Variants in GPC3 observed in about 807,000 individuals in gnomAD.
The protein encoded by GPC3 is glypican 3, also known as glypican-3.
A neutral mutation model predicts 34.4 loss-of-function variants in GPC3; 3 were observed. The ratio of observed to expected loss-of-function variants is 0.09; its 90% CI spans 0.04 to 0.23. The LOEUF (loss-of-function observed/expected upper bound fraction) is 0.23. GPC3 is among the 10% of genes least tolerant of loss of function. The pLI is 1.00. For missense variants in GPC3, 351 were observed against 445.6 expected (o/e 0.79, Z 1.91); for synonymous variants, 177 against 174.0 (o/e 1.02, Z -0.13).
chrX:133,976,087 T>C (rs1254091561), intron 1 of GPC3, among the ~76,000 whole-genome samples: 1 of 112,383 alleles, frequency 8.9e-6, no homozygotes, highest in African/African-American at 3.2e-5. Context: ...AGCTCTATGA[T>C]ATCAGTGACG....
chrX:133,674,130 G>A (rs935076328), intron 5 of GPC3, among the ~76,000 whole-genome samples: 1 of 110,832 alleles, frequency 9.0e-6, no homozygotes, highest in African/African-American at 3.3e-5. Flanking sequence ...GGGAGGTTGA[G>A]GCAAGAGGAG....
intron 2 of GPC3, among the ~76,000 whole-genome samples, chrX:133,912,702 A>G (rs757636694): frequency 4.5e-5 from 5 of 111,135 alleles, no homozygotes; most frequent in Non-Finnish European, 7.5e-5. Flanking sequence ...CTGAGTTTCA[A>G]TTAATGTTAA....
chrX:133,859,876 T>C (rs1187334301), intron 2 of GPC3, among the ~76,000 whole-genome samples: 2 of 111,858 alleles, frequency 1.8e-5, no homozygotes, highest in African/African-American at 6.5e-5. Flanking sequence ...GGTATCAGCA[T>C]CGGCTTCTGC....
At chrX:133,698,026 G>A (rs1237413202) in intron 4 of GPC3, among the ~76,000 whole-genome samples, 1 of 112,331 alleles carries the variant, frequency 8.9e-6, no homozygotes, top group East Asian at 2.8e-4. Context: ...CAAGTTAGCA[G>A]TTGGGCCAGA....
intron 6 of GPC3, among the ~76,000 whole-genome samples, chrX:133,602,152 G>C (rs2069988846): frequency 9.0e-6 from 1 of 111,603 alleles, no homozygotes; most frequent in South Asian, 3.7e-4. Context: ...TATGTTAAGT[G>C]AAATAAGTCA....
intron 2 of GPC3, among the ~76,000 whole-genome samples, chrX:133,925,782 C>T (rs2076272246): frequency 9.0e-6 from 1 of 111,572 alleles, no homozygotes; most frequent in African/African-American, 3.3e-5. Flanking sequence ...GAGGTAATTG[C>T]TACCCTGTGC....
At chrX:133,930,128 T>G (rs933269505) in intron 2 of GPC3, among the ~76,000 whole-genome samples, 2 of 111,890 alleles carry the variant, frequency 1.8e-5, no homozygotes, top group Admixed American at 1.9e-4. Context: ...GAACTAGATT[T>G]AGAGCTAGAA....
intron 7 of GPC3, among the ~76,000 whole-genome samples, chrX:133,585,625 C>T (rs950637406): frequency 1.8e-5 from 2 of 111,653 alleles, no homozygotes; most frequent in Admixed American, 9.5e-5. Flanking sequence ...CCAGATCCCT[C>T]GGGGATGTTA....
At chrX:133,538,805 G>T (rs1344816985) in intron 7 of GPC3, among the ~76,000 whole-genome samples, 3 of 102,469 alleles carry the variant, frequency 2.9e-5, no homozygotes, top group Admixed American at 2.1e-4. Context: ...AGTAGCTGGG[G>T]CCATGGCAAA....
chrX:133,985,227 C>A (rs1320922803), intron 1 of GPC3, 48 bp downstream of exon 1: 1 of 1,188,182 alleles, frequency 8.4e-7, no homozygotes, highest in East Asian at 3.0e-5. Flanking sequence ...ACCACGCGCG[C>A]CTTGCTCCCC....
At chrX:133,856,334 T>C (rs1446275126) in intron 2 of GPC3, among the ~76,000 whole-genome samples, 2 of 111,259 alleles carry the variant, frequency 1.8e-5, no homozygotes, top group African/African-American at 3.3e-5. Context: ...AGGTGGTATC[T>C]CAGTGACTTT....
chrX:133,847,670 T>C (rs1340552854), intron 2 of GPC3, among the ~76,000 whole-genome samples: 1 of 112,225 alleles, frequency 8.9e-6, no homozygotes. Flanking sequence ...ACATATGAAT[T>C]AACTGTTTTC....
chrX:133,843,294 T>C lies in GPC3; in HGVS notation c.338-89118A>G, dbSNP rs905300563. ...CTGGATCATGGGGACAGATCCCTCA[T>C]GAATGGTTTAGCACCATCTCCTTGG... On this transcript the variant is annotated intron_variant, in intron 2 of 7. Transcript: ENST00000370818. Among the ~76,000 whole-genome samples the C allele has an allele frequency of 2.7e-5, 3 of 111,703 alleles. No homozygotes were observed. The Admixed American group carries it at 2.9e-4, about 11-fold the overall frequency.
intron 6 of GPC3, among the ~76,000 whole-genome samples, chrX:133,620,824 G>A (rs1209138929): frequency 9.0e-6 from 1 of 111,690 alleles, no homozygotes; most frequent in Non-Finnish European, 1.9e-5. Context: ...TCAACCAATT[G>A]CCAATCAAAA....
At chrX:133,881,856 C>T (rs1445942209) in intron 2 of GPC3, among the ~76,000 whole-genome samples, 1 of 112,477 alleles carries the variant, frequency 8.9e-6, no homozygotes, top group Non-Finnish European at 1.9e-5. Context: ...AAAACTCTTC[C>T]CCAAGTTGCT....
At chrX:133,863,602 AAC>A (rs58143389) in intron 2 of GPC3, among the ~76,000 whole-genome samples, 32 of 96,927 alleles carry the variant, frequency 3.3e-4, no homozygotes, top group South Asian at 4.6e-4. Flanking sequence ...CACCAACATC[AAC>A]ACACACACAC....
Position 133,800,038 on chromosome X carries a change from T to G in GPC3, c.338-45862A>C, listed in dbSNP as rs187276249. On this transcript the variant is annotated intron_variant, in intron 2 of 7. Transcript: ENST00000370818. Reference sequence around the variant, plus strand: ...AAGTTACCTAGAATTGCAGCACCCTTTTGAACAGAGATGACCGATTAACCT... The same window carrying G: ...AAGTTACCTAGAATTGCAGCACCCTGTTGAACAGAGATGACCGATTAACCT... Among the ~76,000 whole-genome samples, 539 of 111,980 alleles carry G rather than the reference T, an allele frequency of 4.8e-3. 3 individuals are homozygous for G. Among genetic ancestry groups the G allele is most frequent in the African/African-American group, 0.016 (504 of 30,826 alleles).
At chrX:133,952,570 T>A (rs1247971987) in intron 2 of GPC3, among the ~76,000 whole-genome samples, 2 of 111,608 alleles carry the variant, frequency 1.8e-5, no homozygotes, top group African/African-American at 6.5e-5. Context: ...GAAGTGAGAG[T>A]CACAAAGAGA....
chrX:133,882,596 T>C (rs1412658091), intron 2 of GPC3, among the ~76,000 whole-genome samples: 1 of 110,349 alleles, frequency 9.1e-6, no homozygotes, highest in African/African-American at 3.3e-5. Flanking sequence ...GAATTGCCCT[T>C]GTGGTACCAG....
Sources: gnomAD v4.1 joint callset for allele counts (sites outside exome capture counted in the v4.1 genomes callset) on GRCh38, gnomAD v4.1.1 for gene constraint, MANE v1.5 for transcripts, NCBI Gene and HGNC (gene_info 2026-07-23, HGNC 2026-07-21) for gene names.